The following SNX31 variants were observed in gnomAD, a reference collection of about 807,000 sequenced individuals.
SNX31 encodes the protein sorting nexin 31.
A neutral mutation model predicts 65.4 loss-of-function variants in SNX31; 58 were observed. The observed-to-expected ratio is 0.89, with a 90% CI of 0.72 to 1.10. SNX31 has a LOEUF of 1.10. Ranked by LOEUF, SNX31 falls within the 50% of genes least tolerant of loss-of-function variation. The pLI, the probability that SNX31 is intolerant of heterozygous loss-of-function variation, is 0.00. For synonymous variants in SNX31, 181 were observed against 190.1 expected (o/e 0.95, Z 0.39); for missense variants, 523 against 529.7 (o/e 0.99, Z 0.12).
intron 3 of SNX31, among the ~76,000 whole-genome samples, chr8:100,633,467 G>A (rs1818546352): frequency 6.6e-6 from 1 of 151,994 alleles, no homozygotes; most frequent in South Asian, 2.1e-4. Context: ...GCAATGGTGT[G>A]ATCTTGGCTC....
At chr8:100,655,263 G>C (rs946110183) in intron 1 of SNX31, among the ~76,000 whole-genome samples, 4 of 152,166 alleles carry the variant, frequency 2.6e-5, no homozygotes, top group African/African-American at 9.7e-5. Flanking sequence ...TTCAGGAAGA[G>C]TTAACTGGTA....
chr8:100,583,453 G>A (rs1307406949), intron 12 of SNX31, among the ~76,000 whole-genome samples: 3 of 152,128 alleles, frequency 2.0e-5, no homozygotes, highest in Middle Eastern at 3.4e-3. Context: ...GTACTGTCTT[G>A]TTTGGGACAT....
At position 100,573,926 on chromosome 8, in the gene SNX31, C is replaced by CTTTTTTTTTTTTTTTTTTTTTTTTT. The variant is rs752425672; in HGVS notation, c.1261_1262insAAAAAAAAAAAAAAAAAAAAAAAAA (p.Ser421LysfsTer12). On this transcript the variant is annotated frameshift_variant, in exon 14 of 14. Transcript: ENST00000311812. LOFTEE classifies it high-confidence loss of function. ...GTCATCTTTAGCTATCTTAATCTTG[C>CTTTTTTTTTTTTTTTTTTTTTTTTT]TTTTTCTTGATAGAAAACTAGAATA... 3.8e-6 allele frequency: 6 copies of CTTTTTTTTTTTTTTTTTTTTTTTTT among 1,587,004 alleles called. No individual in the cohort carries two copies. The Admixed American group carries it at 9.2e-5, about 24-fold the overall frequency.
upstream of SNX31, among the ~76,000 whole-genome samples, chr8:100,650,070 C>G (rs570425640): frequency 4.6e-5 from 7 of 152,288 alleles, no homozygotes; most frequent in East Asian, 7.7e-4. Context: ...GAAGCCCCCC[C>G]CAAATGGAAA....
intron 1 of SNX31, chr8:100,657,976 A>G: frequency 2.8e-6 from 1 of 359,056 alleles, no homozygotes; most frequent in Non-Finnish European, 5.4e-6. Context: ...GAAAAATCAC[A>G]GATCCTTGGC....
intron 2 of SNX31, among the ~76,000 whole-genome samples, chr8:100,638,177 A>G (rs1390150520): frequency 3.9e-5 from 6 of 152,218 alleles, no homozygotes; most frequent in Non-Finnish European, 1.5e-5. Flanking sequence ...AAAGTAAGTC[A>G]GATCATTCCA....
chr8:100,581,344 T>G (rs1813527805), intron 12 of SNX31, among the ~76,000 whole-genome samples: 1 of 146,914 alleles, frequency 6.8e-6, no homozygotes, highest in Non-Finnish European at 1.5e-5. Flanking sequence ...TATCTATATA[T>G]ATATATATAT....
At chr8:100,634,812 T>C (rs1233235001) in intron 3 of SNX31, among the ~76,000 whole-genome samples, 1 of 151,758 alleles carries the variant, frequency 6.6e-6, no homozygotes, top group Non-Finnish European at 1.5e-5. Context: ...TCCCAGCACT[T>C]TGGGAGGCTG....
chr8:100,650,325 T>C (rs1290228217), upstream of SNX31, among the ~76,000 whole-genome samples: 1 of 152,226 alleles, frequency 6.6e-6, no homozygotes, highest in Non-Finnish European at 1.5e-5. Context: ...GTAGCAAGCC[T>C]GGGCTGGCTC....
chr8:100,641,565 AATATATATATATATATAT>A (rs1237945389), intron 2 of SNX31, among the ~76,000 whole-genome samples: 1 of 32,108 alleles, frequency 3.1e-5, no homozygotes, highest in Non-Finnish European at 5.3e-5. Flanking sequence ...AAAAAAAAAA[AATATATATATATATATAT>A]ATATATATAT....
At chr8:100,592,689 A>G (rs750212236) in intron 10 of SNX31, among the ~76,000 whole-genome samples, 40 of 152,254 alleles carry the variant, frequency 2.6e-4, no homozygotes, top group Admixed American at 7.2e-4. Flanking sequence ...TTATAGCAGC[A>G]TAATTCATAA....
intron 10 of SNX31, among the ~76,000 whole-genome samples, chr8:100,593,700 C>T (rs1814798485): frequency 6.6e-6 from 1 of 151,948 alleles, no homozygotes; most frequent in Admixed American, 6.6e-5. Context: ...CCAATCTGCC[C>T]ACCTCGGCCT....
chr8:100,610,438 A>C lies in SNX31; in HGVS notation c.611+1562T>G, dbSNP rs1386541660. Reference sequence around the variant, plus strand: ...CAAACATGACCAAAACTTACTGAGCATATGGGACTATTTTACATAACTCTT... The same window carrying C: ...CAAACATGACCAAAACTTACTGAGCCTATGGGACTATTTTACATAACTCTT... On this transcript the variant is annotated intron_variant, in intron 7 of 13. Transcript: ENST00000311812. This position sits in a 1 kb window ranked among gnomAD's most constrained non-coding sequence, Gnocchi z 4.0. Among the ~76,000 whole-genome samples, 1 of 151,920 alleles carries C rather than the reference A, an allele frequency of 6.6e-6. No individual in the cohort carries two copies. Among genetic ancestry groups the C allele is most frequent in the Non-Finnish European group, 1.5e-5 (1 of 68,014 alleles).
At chr8:100,574,128 G>A (rs1408684406) in intron 13 of SNX31, among the ~76,000 whole-genome samples, 168 bp from the exon 14 acceptor site, 3 of 152,122 alleles carry the variant, frequency 2.0e-5, no homozygotes, top group Admixed American at 2.0e-4. Context: ...TTTATTTTGG[G>A]GTGAGTGTAA....
At chr8:100,602,382 T>C (rs1471601525) in intron 8 of SNX31, among the ~76,000 whole-genome samples, 1 of 152,202 alleles carries the variant, frequency 6.6e-6, no homozygotes, top group Non-Finnish European at 1.5e-5. Context: ...TTAGATCGAC[T>C]TTATCATTGA....
intron 1 of SNX31, chr8:100,657,873 A>G: frequency 2.6e-6 from 1 of 378,530 alleles, no homozygotes; most frequent in South Asian, 1.9e-5. Context: ...TCCATCTCAA[A>G]AGAAAACAAA....
In SNX31 at chr8:100,625,070, C is replaced by G. The variant is rs565101951; in HGVS notation, c.321+5257G>C. Among the ~76,000 whole-genome samples the G allele has an allele frequency of 6.6e-6, 1 of 152,110 alleles. No homozygotes were observed. The highest frequency in any genetic ancestry group is 1.5e-5 in the Non-Finnish European group (1 of 68,034). On this transcript the variant is annotated intron_variant, in intron 4 of 13. Transcript: ENST00000311812. The surrounding 1 kb of genome is among the most constrained non-coding windows in gnomAD (Gnocchi z 4.2). ...AAGTAATTCTCCCACCTCAGCCCCC[C>G]AAAGTTCTGGGATTACAGGTGTGAG...
At chr8:100,638,237 C>G (rs1436061255) in intron 2 of SNX31, among the ~76,000 whole-genome samples, 1 of 152,212 alleles carries the variant, frequency 6.6e-6, no homozygotes, top group East Asian at 1.9e-4. Context: ...CAAGTAAACC[C>G]AAAATTCTTA....
intron 2 of SNX31, among the ~76,000 whole-genome samples, chr8:100,642,638 G>T (rs1587074538): frequency 6.6e-6 from 1 of 152,296 alleles, no homozygotes; most frequent in East Asian, 1.9e-4. Flanking sequence ...TGTGCCAAAA[G>T]TCAACAATCA....
Sources: gnomAD v4.1 joint callset for allele counts (sites outside exome capture counted in the v4.1 genomes callset) on GRCh38, gnomAD v4.1.1 for gene constraint, Gnocchi (gnomAD v3.1) non-coding constraint, MANE v1.5 for transcripts, NCBI Gene and HGNC (gene_info 2026-07-23, HGNC 2026-07-21) for gene names.